CDH7: variants seen among roughly 807,000 people sequenced by gnomAD.
CDH7 encodes cadherin 7.
Under a neutral mutation model 71.8 loss-of-function variants are expected in CDH7, and 25 were observed. The ratio of observed to expected loss-of-function variants is 0.35; its 90% CI spans 0.25 to 0.49. CDH7 has a LOEUF of 0.49. CDH7 is among the 20% of genes least tolerant of loss of function. CDH7 has a pLI of 0.99. For synonymous variants in CDH7, 381 were observed against 363.8 expected (o/e 1.05, Z -0.54); for missense variants, 862 against 974.6 (o/e 0.88, Z 1.54).
At chr18:65,818,290 A>G (rs888545193) in intron 4 of CDH7, among the ~76,000 whole-genome samples, 2 of 152,196 alleles carry the variant, frequency 1.3e-5, no homozygotes, top group South Asian at 2.1e-4. Context: ...GGTTATCAAT[A>G]TGTTACAGAA....
At chr18:65,780,746 C>T (rs2143828143) in intron 2 of CDH7, among the ~76,000 whole-genome samples, 1 of 151,716 alleles carries the variant, frequency 6.6e-6, no homozygotes, top group Admixed American at 6.6e-5. Context: ...TGTGATGCCT[C>T]CAGCTTTGTT....
intron 2 of CDH7, among the ~76,000 whole-genome samples, chr18:65,791,193 G>C (rs1910700158): frequency 6.6e-6 from 1 of 152,158 alleles, no homozygotes; most frequent in Admixed American, 6.5e-5. Context: ...TTTGAAACAT[G>C]AAACATCAGA....
At chr18:65,848,844 G>A (rs12969772) in intron 7 of CDH7, among the ~76,000 whole-genome samples, 2 of 149,942 alleles carry the variant, frequency 1.3e-5, no homozygotes, top group Non-Finnish European at 3.0e-5. Flanking sequence ...TTACCCGTGG[G>A]CTTTTTCAGC....
chr18:65,874,666 C>T (rs1244531114), intron 11 of CDH7, among the ~76,000 whole-genome samples: 1 of 151,800 alleles, frequency 6.6e-6, no homozygotes, highest in Non-Finnish European at 1.5e-5. Flanking sequence ...TCCCTAAATA[C>T]ATAAAAATTT....
At chr18:65,873,570 A>C (rs1913987700) in intron 11 of CDH7, among the ~76,000 whole-genome samples, 1 of 152,246 alleles carries the variant, frequency 6.6e-6, no homozygotes, top group Admixed American at 6.5e-5. Flanking sequence ...AGAGAAACTT[A>C]AGTCTTGAAC....
intron 7 of CDH7, among the ~76,000 whole-genome samples, chr18:65,844,911 AAAAT>A (rs1360352056): frequency 3.9e-5 from 6 of 152,092 alleles, no homozygotes; most frequent in Non-Finnish European, 7.4e-5. Flanking sequence ...CTATAACGTA[AAAAT>A]AAATAAAACA....
intron 7 of CDH7, among the ~76,000 whole-genome samples, chr18:65,857,349 TAATAATAATAATAAA>T (rs1189421183): frequency 1.4e-4 from 21 of 144,846 alleles, no homozygotes; most frequent in Admixed American, 3.5e-4. Context: ...ATAATAATAA[TAATAATAATAATAAA>T]ATAGCCAAAT....
At chr18:65,841,251 A>T (rs1231215762) in intron 6 of CDH7, among the ~76,000 whole-genome samples, 2 of 152,138 alleles carry the variant, frequency 1.3e-5, no homozygotes, top group South Asian at 4.1e-4. Flanking sequence ...TCTATACCTC[A>T]TGTTGCTCCT....
chr18:65,845,405 T>A (rs1912902326), intron 7 of CDH7, among the ~76,000 whole-genome samples: 1 of 152,096 alleles, frequency 6.6e-6, no homozygotes, highest in African/African-American at 2.4e-5. Flanking sequence ...AGAATATTTA[T>A]GAATCACAAA....
intron 4 of CDH7, among the ~76,000 whole-genome samples, chr18:65,821,626 T>C (rs1302250375): frequency 6.6e-6 from 1 of 152,174 alleles, no homozygotes. Flanking sequence ...TGTGCTCAGA[T>C]TTAAACAAAA....
At chr18:65,850,897 C>T (rs930966181) in intron 7 of CDH7, among the ~76,000 whole-genome samples, 10 of 151,418 alleles carry the variant, frequency 6.6e-5, no homozygotes, top group Admixed American at 1.3e-4. Context: ...CTGCAACTTC[C>T]GCCTTCTGGG....
At chr18:65,766,371 A>G (rs1263875908) in intron 2 of CDH7, among the ~76,000 whole-genome samples, 4 of 152,124 alleles carry the variant, frequency 2.6e-5, no homozygotes, top group Non-Finnish European at 5.9e-5. Flanking sequence ...TTTCAAGCAT[A>G]TTATTTTAGG....
chr18:65,795,630 T>C (rs1649341983), intron 2 of CDH7, among the ~76,000 whole-genome samples: 1 of 152,198 alleles, frequency 6.6e-6, no homozygotes, highest in African/African-American at 2.4e-5. Flanking sequence ...ATTGGATTTG[T>C]GCATGATATT....
At chr18:65,787,271 A>G (rs1043383630) in intron 2 of CDH7, among the ~76,000 whole-genome samples, 9 of 152,208 alleles carry the variant, frequency 5.9e-5, no homozygotes, top group Admixed American at 5.2e-4. Context: ...TTCCTTCTAC[A>G]TATAAGAAGG....
intron 2 of CDH7, among the ~76,000 whole-genome samples, chr18:65,800,204 C>T (rs989869445): frequency 3.9e-5 from 6 of 152,052 alleles, no homozygotes; most frequent in Admixed American, 6.6e-5. Flanking sequence ...CTCAGCCTCC[C>T]GAGTAGCTGG....
chr18:65,870,677 C>T (rs199550240), intron 11 of CDH7, among the ~76,000 whole-genome samples: 1 of 152,208 alleles, frequency 6.6e-6, no homozygotes, highest in East Asian at 1.9e-4. Flanking sequence ...TCCTGCATTT[C>T]TTCACCTGTC....
At chr18:65,796,509 A>G (rs977821815) in intron 2 of CDH7, among the ~76,000 whole-genome samples, 1 of 152,194 alleles carries the variant, frequency 6.6e-6, no homozygotes, top group African/African-American at 2.4e-5. Context: ...TAGCTACTAC[A>G]TATTTATTGA....
At chr18:65,862,541 T>C (rs1455670898) in intron 10 of CDH7, 125 bp from the exon 11 acceptor site, 1 of 929,086 alleles carries the variant, frequency 1.1e-6, no homozygotes, top group Non-Finnish European at 1.6e-6. Context: ...ATTGTTGAAA[T>C]AAATCTGCAA....
intron 6 of CDH7, among the ~76,000 whole-genome samples, chr18:65,834,718 C>G (rs772398483): frequency 7.9e-5 from 12 of 152,094 alleles, no homozygotes; most frequent in Non-Finnish European, 1.5e-4. Context: ...TTAGAATAGT[C>G]AAGGAACTGG....
Sources: allele counts gnomAD v4.1 joint callset (sites outside exome capture counted in the v4.1 genomes callset), GRCh38; gene constraint gnomAD v4.1.1; transcripts MANE v1.5; gene names NCBI Gene and HGNC (gene_info 2026-07-23, HGNC 2026-07-21).